Variants in TSPAN18 observed in about 807,000 individuals in gnomAD.
The protein encoded by TSPAN18 is tetraspanin 18.
A neutral mutation model predicts 27.3 loss-of-function variants in TSPAN18; 14 were observed. The observed-to-expected ratio is 0.51, with a 90% CI of 0.34 to 0.80. The LOEUF (loss-of-function observed/expected upper bound fraction) is 0.80. TSPAN18 is among the 30% of genes least tolerant of loss of function. The pLI, the probability that TSPAN18 is intolerant of heterozygous loss-of-function variation, is 0.01. For synonymous variants in TSPAN18, 143 were observed against 136.5 expected, an observed-to-expected ratio of 1.05 and a Z score of -0.33; for missense variants, 268 against 323.9, an observed-to-expected ratio of 0.83 and a Z score of 1.32.
intron 2 of TSPAN18, among the ~76,000 whole-genome samples, chr11:44,803,118 A>T (rs1233907950): frequency 1.3e-5 from 2 of 152,228 alleles, no homozygotes; most frequent in Non-Finnish European, 2.9e-5. Flanking sequence ...GCCTAGTAAG[A>T]AAAGGGAGTG....
intron 2 of TSPAN18, among the ~76,000 whole-genome samples, chr11:44,823,487 A>G (rs1370204993): frequency 1.3e-5 from 2 of 152,136 alleles, no homozygotes; most frequent in Non-Finnish European, 2.9e-5. Context: ...ATTTAGGAGT[A>G]TGCAAAAAAG....
At chr11:44,888,071 G>T (rs942304203) in intron 3 of TSPAN18, among the ~76,000 whole-genome samples, 1 of 152,144 alleles carries the variant, frequency 6.6e-6, no homozygotes, top group Non-Finnish European at 1.5e-5. Flanking sequence ...TGTGAGAAGC[G>T]GCAGAAACTG....
intron 1 of TSPAN18, among the ~76,000 whole-genome samples, chr11:44,746,364 C>G (rs1044002857): frequency 2.6e-5 from 4 of 152,198 alleles, no homozygotes; most frequent in African/African-American, 9.7e-5. Flanking sequence ...CCTGACTCCA[C>G]CTAAATTTAC....
At position 44,744,859 on chromosome 11, in the gene TSPAN18, G is replaced by A. The variant is rs541993860; in HGVS notation, c.-240+17572G>A. Among the ~76,000 whole-genome samples the A allele has an allele frequency of 1.2e-4, 19 of 152,282 alleles. No individual in the cohort carries two copies. The South Asian group carries it at 3.7e-3, about 30-fold the overall frequency. On this transcript the variant is annotated intron_variant, in intron 1 of 9. Coordinates refer to ENST00000520358, the MANE Select transcript of TSPAN18 (RefSeq NM_130783.5). ...ACCTGGATGGCAGACACTTTTCATCGCAAATGCCAACGCTGATCGATTTGT... is the reference window on the plus strand; with the variant it reads ...ACCTGGATGGCAGACACTTTTCATCACAAATGCCAACGCTGATCGATTTGT...
intron 1 of TSPAN18, among the ~76,000 whole-genome samples, chr11:44,759,375 A>G (rs1665150): frequency 0.19 from 29,053 of 152,126 alleles, 2,933 homozygotes; most frequent in Middle Eastern, 0.25. Flanking sequence ...GTCTCTCCTC[A>G]GACCTACTGA....
At position 44,864,159 on chromosome 11, in the gene TSPAN18, C is replaced by T. The variant is rs542503360; in HGVS notation, c.-11+3690C>T. Among the ~76,000 whole-genome samples the T allele has an allele frequency of 2.6e-5, 4 of 151,918 alleles. No individual in the cohort carries two copies. In the East Asian group the frequency reaches 5.8e-4, roughly 22 times the overall value. On this transcript the variant is annotated intron_variant, in intron 3 of 9. Transcript: ENST00000520358. ...AAAATTAGCCGGGTGTGGTGGCATT[C>T]GCCTGTAGTCCCAGCTACTTGGGAG...
intron 3 of TSPAN18, among the ~76,000 whole-genome samples, chr11:44,883,354 G>A (rs1160657277): frequency 6.6e-6 from 1 of 152,158 alleles, no homozygotes; most frequent in Non-Finnish European, 1.5e-5. Context: ...CTGCAACATT[G>A]GCACTGGGAA....
At chr11:44,810,160 T>C (rs1856682281) in intron 2 of TSPAN18, among the ~76,000 whole-genome samples, 2 of 152,210 alleles carry the variant, frequency 1.3e-5, no homozygotes, top group South Asian at 4.1e-4. Flanking sequence ...GCACATAACA[T>C]ACAATTAGGC....
chr11:44,819,476 G>T (rs1159963937), intron 2 of TSPAN18, among the ~76,000 whole-genome samples: 1 of 152,106 alleles, frequency 6.6e-6, no homozygotes, highest in South Asian at 2.1e-4. Context: ...ACTGCTAATT[G>T]TCAGGGTGAA....
At chr11:44,884,719 G>T (rs1858592006) in intron 3 of TSPAN18, among the ~76,000 whole-genome samples, 1 of 152,158 alleles carries the variant, frequency 6.6e-6, no homozygotes, top group Admixed American at 6.5e-5. Flanking sequence ...TGGGAGGTGG[G>T]TGCCATCTTT....
At chr11:44,742,640 C>T (rs1854972022) in intron 1 of TSPAN18, among the ~76,000 whole-genome samples, 1 of 152,132 alleles carries the variant, frequency 6.6e-6, no homozygotes, top group Non-Finnish European at 1.5e-5. Context: ...TTGTCTCGGG[C>T]CTGCTCTGTC....
At chr11:44,873,517 G>A (rs1359397776) in intron 3 of TSPAN18, among the ~76,000 whole-genome samples, 3 of 152,218 alleles carry the variant, frequency 2.0e-5, no homozygotes, top group African/African-American at 7.2e-5. Flanking sequence ...CCCTTGACTG[G>A]GGACAAAGAA....
At chr11:44,796,753 T>G (rs566175102) in intron 2 of TSPAN18, among the ~76,000 whole-genome samples, 2 of 152,272 alleles carry the variant, frequency 1.3e-5, no homozygotes, top group South Asian at 4.2e-4. Context: ...ACCCACCCTC[T>G]GTCTGTCCTC....
intron 1 of TSPAN18, among the ~76,000 whole-genome samples, chr11:44,747,088 C>T (rs1275707932): frequency 4.6e-5 from 7 of 152,240 alleles, no homozygotes; most frequent in Admixed American, 6.5e-5. Context: ...GAGGCCCAGG[C>T]GAGGTGGTGG....
intron 2 of TSPAN18, among the ~76,000 whole-genome samples, chr11:44,786,623 CTTTTT>C (rs528871558): frequency 6.1e-5 from 6 of 98,208 alleles, no homozygotes; most frequent in African/African-American, 2.1e-4. Context: ...TATCCACTTA[CTTTTT>C]TTTTTTTTTT....
intron 9 of TSPAN18, among the ~76,000 whole-genome samples, chr11:44,927,153 G>A (rs2135385445): frequency 6.6e-6 from 1 of 152,358 alleles, no homozygotes; most frequent in African/African-American, 2.4e-5. Context: ...TCTCTGTGGG[G>A]TGTTCAGGGC....
At chr11:44,824,140 G>A (rs1248143339) in intron 2 of TSPAN18, among the ~76,000 whole-genome samples, 2 of 152,166 alleles carry the variant, frequency 1.3e-5, no homozygotes, top group African/African-American at 4.8e-5. Context: ...GCCTTTGAGG[G>A]ATCATTTGTT....
chr11:44,818,660 G>C (rs1265897214), intron 2 of TSPAN18, among the ~76,000 whole-genome samples: 4 of 152,190 alleles, frequency 2.6e-5, no homozygotes, highest in African/African-American at 9.7e-5. Flanking sequence ...GGGAAACACA[G>C]TAGTCAATGT....
At chr11:44,844,997 T>C (rs1188114287) in intron 2 of TSPAN18, among the ~76,000 whole-genome samples, 2 of 152,218 alleles carry the variant, frequency 1.3e-5, no homozygotes, top group Admixed American at 1.3e-4. Flanking sequence ...TTTGGAATTA[T>C]CCTCAATGCC....
Sources: allele counts gnomAD v4.1 joint callset (sites outside exome capture counted in the v4.1 genomes callset), GRCh38; gene constraint gnomAD v4.1.1; transcripts MANE v1.5; gene names NCBI Gene and HGNC (gene_info 2026-07-23, HGNC 2026-07-21).